The following RBPMS variants were observed in gnomAD, a reference collection of about 807,000 sequenced individuals.
RBPMS encodes the protein RNA binding protein, mRNA processing factor.
Under a neutral mutation model 26.8 loss-of-function variants are expected in RBPMS, and 7 were observed. That is an observed-to-expected ratio of 0.26 (90% CI 0.15 to 0.49). RBPMS has a LOEUF of 0.49. Among genes scored for constraint, RBPMS ranks in the 20% least tolerant of loss-of-function variants. RBPMS has a pLI of 0.98. For missense variants in RBPMS, 186 were observed against 250.0 expected (o/e 0.74, Z 1.73); for synonymous variants, 96 against 93.3 (o/e 1.03, Z -0.17).
At chr8:30,532,234 A>T (rs1330307764) in intron 5 of RBPMS, among the ~76,000 whole-genome samples, 1 of 152,178 alleles carries the variant, frequency 6.6e-6, no homozygotes, top group Non-Finnish European at 1.5e-5. Flanking sequence ...GGCTGAGGGC[A>T]TACATTCCAA....
intron 4 of RBPMS, among the ~76,000 whole-genome samples, chr8:30,487,512 G>A (rs1049988295): frequency 2.0e-5 from 3 of 152,030 alleles, no homozygotes; most frequent in Middle Eastern, 6.8e-3. Flanking sequence ...TGCAATATGA[G>A]GTATTTTCTT....
rs562277842 is a variant in RBPMS, at chr8:30,416,424, C to T, written c.66+31266C>T. Reference sequence around the variant, plus strand: ...TCTGCCCACTGCAACCTCTGCCTCCCGGGTTCAAGCCATTATTATGTCTCA... The same window carrying T: ...TCTGCCCACTGCAACCTCTGCCTCCTGGGTTCAAGCCATTATTATGTCTCA... On this transcript the variant is annotated intron_variant, in intron 1 of 8. Coordinates refer to ENST00000397323, the MANE Select transcript of RBPMS (RefSeq NM_001008710.3). Among the ~76,000 whole-genome samples the T allele has an allele frequency of 5.8e-4, 88 of 150,524 alleles. 1 individual carries two copies. In the South Asian group the frequency reaches 0.018, roughly 32 times the overall value.
At chr8:30,476,032 T>C (rs1218586273) in intron 2 of RBPMS, among the ~76,000 whole-genome samples, 2 of 152,234 alleles carry the variant, frequency 1.3e-5, no homozygotes, top group Admixed American at 6.5e-5. Flanking sequence ...ATCCTTTTTA[T>C]AGAATGCAAA....
chr8:30,448,765 C>A (rs187705260), intron 1 of RBPMS, among the ~76,000 whole-genome samples: 1 of 152,316 alleles, frequency 6.6e-6, no homozygotes, highest in East Asian at 1.9e-4. Flanking sequence ...AAAGTGGCGA[C>A]AGAAATAGAA....
intron 5 of RBPMS, among the ~76,000 whole-genome samples, chr8:30,517,124 T>G (rs1456688256): frequency 6.6e-6 from 1 of 152,000 alleles, no homozygotes; most frequent in Non-Finnish European, 1.5e-5. Flanking sequence ...CTCTGATACC[T>G]GCTTTCATTC....
rs1828208627 is a variant in RBPMS, at chr8:30,570,617, A to G, written c.*112-20A>G. On this transcript the variant is annotated intron_variant, in intron 8 of 8. Coordinates refer to ENST00000397323, the MANE Select transcript of RBPMS (RefSeq NM_001008710.3). ...AGGGGTTGACACCTGCTCTCCTAAC[A>G]TGTTTTCTTTCTGTTTCAGGCTTGA... 1.3e-5 allele frequency: 2 copies of G among 152,520 alleles called. No homozygotes were observed. The highest frequency in any genetic ancestry group is 2.4e-5 in the African/African-American group (1 of 41,400). 9.4% of individuals were successfully genotyped at this position (152,520 alleles called of 1,614,324 possible).
At position 30,504,426 on chromosome 8, in the gene RBPMS, C is replaced by T. The variant is rs1820879693; in HGVS notation, c.387C>T (p.Ala129=). The T allele has an allele frequency of 1.9e-6, 3 of 1,613,996 alleles. No homozygotes were observed. The highest frequency in any genetic ancestry group is 2.5e-6 in the Non-Finnish European group (3 of 1,179,890). Reference sequence around the variant, plus strand: ...CCAACACTGTACCTCAGTTCATTGCCAGAGAGCCATGTAAGTCGATCTACT... The same window carrying T: ...CCAACACTGTACCTCAGTTCATTGCTAGAGAGCCATGTAAGTCGATCTACT... ...PLPNTVPQFI[A]REPYELTVPA... Residue 129 remains alanine, a synonymous_variant, in exon 5 of 9, where the codon GCC becomes GCT. Transcript: ENST00000397323.
chr8:30,458,523 A>G (rs1815501475), intron 1 of RBPMS, among the ~76,000 whole-genome samples: 1 of 152,124 alleles, frequency 6.6e-6, no homozygotes, highest in African/African-American at 2.4e-5. Flanking sequence ...TCTACAGTTT[A>G]TATGCTTTAA....
chr8:30,428,209 A>G (rs1255443137), intron 1 of RBPMS, among the ~76,000 whole-genome samples: 1 of 151,846 alleles, frequency 6.6e-6, no homozygotes, highest in Non-Finnish European at 1.5e-5. Context: ...TTTTTAGTAG[A>G]GATGGGGTTT....
chr8:30,475,456 C>G (rs1288216593), intron 2 of RBPMS, among the ~76,000 whole-genome samples: 1 of 152,216 alleles, frequency 6.6e-6, no homozygotes, highest in Non-Finnish European at 1.5e-5. Context: ...TAGGAGAAAG[C>G]TGGAGCTGAT....
At chr8:30,388,005 G>A (rs547936469) in intron 1 of RBPMS, among the ~76,000 whole-genome samples, 2 of 152,180 alleles carry the variant, frequency 1.3e-5, no homozygotes, top group South Asian at 2.1e-4. Context: ...AAAACTTTGA[G>A]GAAAAATAAT....
intron 5 of RBPMS, among the ~76,000 whole-genome samples, chr8:30,530,749 A>T (rs932454016): frequency 3.9e-5 from 6 of 152,164 alleles, no homozygotes; most frequent in African/African-American, 1.4e-4. Flanking sequence ...GGCGTGAGCC[A>T]CCACGCCTGG....
At chr8:30,477,320 A>AT (rs141710774) in intron 2 of RBPMS, among the ~76,000 whole-genome samples, 13,352 of 152,202 alleles carry the variant, frequency 0.088, 1,193 homozygotes, top group African/African-American at 0.23. Context: ...AAGTGCTGGG[A>AT]TTACAGGCGT....
At chr8:30,424,780 C>T (rs1045489944) in intron 1 of RBPMS, among the ~76,000 whole-genome samples, 1 of 152,090 alleles carries the variant, frequency 6.6e-6, no homozygotes, top group Non-Finnish European at 1.5e-5. Context: ...ACGGTAAAAG[C>T]GGTGCTCAGT....
At chr8:30,390,214 GT>G (rs909466953) in intron 1 of RBPMS, among the ~76,000 whole-genome samples, 7 of 152,158 alleles carry the variant, frequency 4.6e-5, no homozygotes, top group African/African-American at 1.7e-4. Context: ...TGCTTTGAGG[GT>G]TTCCTTGAAT....
intron 5 of RBPMS, among the ~76,000 whole-genome samples, chr8:30,518,519 G>C (rs1822593024): frequency 6.6e-6 from 1 of 151,588 alleles, no homozygotes; most frequent in Non-Finnish European, 1.5e-5. Flanking sequence ...TCCACCTCCT[G>C]GGTTCAAGTG....
chr8:30,447,282 A>G (rs1330940425), intron 1 of RBPMS, among the ~76,000 whole-genome samples: 1 of 152,212 alleles, frequency 6.6e-6, no homozygotes, highest in African/African-American at 2.4e-5. Context: ...TCTGGGCCCA[A>G]GCATTTCAGT....
chr8:30,481,160 C>G (rs1205209694), intron 4 of RBPMS, among the ~76,000 whole-genome samples: 1 of 152,176 alleles, frequency 6.6e-6, no homozygotes, highest in Non-Finnish European at 1.5e-5. Flanking sequence ...CATGGTGTTG[C>G]TGTATTGCCC....
intron 5 of RBPMS, among the ~76,000 whole-genome samples, chr8:30,510,024 T>A (rs1386712378): frequency 6.6e-6 from 1 of 152,218 alleles, no homozygotes; most frequent in Non-Finnish European, 1.5e-5. Context: ...TCATTTAACT[T>A]ACCCCTTTAT....
Sources: allele counts gnomAD v4.1 joint callset (sites outside exome capture counted in the v4.1 genomes callset), GRCh38; gene constraint gnomAD v4.1.1; transcripts MANE v1.5; gene names NCBI Gene and HGNC (gene_info 2026-07-23, HGNC 2026-07-21).